Variants in AOX1 observed in about 807,000 individuals in gnomAD.
AOX1 encodes the protein aldehyde oxidase 1.
Under a neutral mutation model 169.5 loss-of-function variants are expected in AOX1, and 153 were observed. The observed-to-expected ratio is 0.90, with a 90% confidence interval of 0.79 to 1.03. The LOEUF (loss-of-function observed/expected upper bound fraction) is 1.03. AOX1 is among the 50% of genes least tolerant of loss of function. AOX1 has a pLI of 0.00. For synonymous variants in AOX1, 562 were observed against 581.9 expected (o/e 0.97, Z 0.49); for missense variants, 1,656 against 1,663.9 (o/e 1.00, Z 0.08).
intron 20 of AOX1, among the ~76,000 whole-genome samples, chr2:200,631,687 A>T (rs1362160087): frequency 6.6e-6 from 1 of 152,218 alleles, no homozygotes; most frequent in Non-Finnish European, 1.5e-5. Flanking sequence ...GTGCAATATA[A>T]CAGGTTTCTA....
chr2:200,620,795 G>A lies in AOX1; in HGVS notation c.1850G>A (p.Ser617Asn). Residue 617 changes from serine to asparagine, a missense_variant, in exon 17 of 35, where the codon AGT (serine) becomes AAT (asparagine). Transcript: ENST00000374700. ...DQELFLTFVT[S>N]SRAHAKIVSI... ...GAACTTTTCTTGACTTTTGTGACTA[G>A]TTCAAGAGCTCATGCTAAGATTGTG... 1.2e-6 allele frequency: 2 copies of A among 1,603,244 alleles called. No homozygotes were observed. Among genetic ancestry groups the A allele is most frequent in the African/African-American group, 2.7e-5 (2 of 74,308 alleles).
chr2:200,610,161 TC>T (rs1199367977), intron 12 of AOX1, among the ~76,000 whole-genome samples: 1 of 151,796 alleles, frequency 6.6e-6, no homozygotes, highest in East Asian at 1.9e-4. Context: ...AACCTCTACC[TC>T]CTGGGTTCAA....
chr2:200,658,594 G>A (rs932716676), intron 27 of AOX1, among the ~76,000 whole-genome samples: 4 of 152,210 alleles, frequency 2.6e-5, no homozygotes, highest in African/African-American at 7.2e-5. Context: ...ACTAAAGTTA[G>A]CAATATGATT....
At chr2:200,669,802 T>C in intron 34 of AOX1, 60 bp downstream of exon 34, 1 of 1,574,832 alleles carries the variant, frequency 6.3e-7, no homozygotes, top group Non-Finnish European at 8.6e-7. Flanking sequence ...TTGGCCTCTG[T>C]TCTTGTGGTA....
intron 20 of AOX1, among the ~76,000 whole-genome samples, chr2:200,628,435 A>G (rs11886414): frequency 0.022 from 3,404 of 152,214 alleles, 123 homozygotes; most frequent in African/African-American, 0.078. Context: ...TAAATAACCC[A>G]TGCTTTCCCC....
rs144276609 is a variant in AOX1 at position 200,627,202 on chromosome 2, C to T, written c.2125-151C>T. On this transcript the variant is annotated intron_variant, in intron 19 of 34. Coordinates refer to ENST00000374700, the MANE Select transcript of AOX1 (RefSeq NM_001159.4). ...AGTCTCTCTGCAGTTGGATTCTTAGCTTGGCTCACCAGGGTCATGGTGAAA... is the reference window on the plus strand; with the variant it reads ...AGTCTCTCTGCAGTTGGATTCTTAGTTTGGCTCACCAGGGTCATGGTGAAA... The T allele has an allele frequency of 1.5e-4, 95 of 615,094 alleles. No homozygotes were observed. The East Asian group carries it at 2.4e-3, about 16-fold the overall frequency. The allele number at this position is 615,094 out of a possible 1,614,324, so 38.1% of individuals were successfully genotyped here.
Position 200,638,246 on chromosome 2 carries a change from C to A in AOX1, c.2512C>A (p.Arg838=). 1 of 1,613,520 alleles carries A rather than the reference C, an allele frequency of 6.2e-7. No homozygotes were observed. The highest frequency in any genetic ancestry group is 8.5e-7 in the Non-Finnish European group (1 of 1,179,654). Residue 838 remains arginine (R), a synonymous_variant, in exon 23 of 35, where the codon CGA becomes AGA. Transcript: ENST00000374700. The part of the protein sequence containing the change: ...HGRAVRCVLE[R]GEDMLITGGR... Reference sequence around the variant, plus strand: ...CCGTGCAGTTCGCTGTGTTCTGGAACGAGGAGAAGACATGTTAATAACTGG... The same window carrying A: ...CCGTGCAGTTCGCTGTGTTCTGGAAAGAGGAGAAGACATGTTAATAACTGG...
At chr2:200,681,381 C>T (rs149918833), downstream of AOX1, 674 of 152,776 alleles carry the variant, frequency 4.4e-3, 8 homozygotes, top group Middle Eastern at 0.031. Flanking sequence ...TGCTAAAGCC[C>T]ACAGCCCCCA....
chr2:200,593,425 G>T (rs2034215864), intron 2 of AOX1, among the ~76,000 whole-genome samples: 1 of 152,114 alleles, frequency 6.6e-6, no homozygotes, highest in Non-Finnish European at 1.5e-5. Context: ...ATAAAATGGG[G>T]AAACTAGTAA....
In AOX1 at chr2:200,616,141, C is replaced by T. The variant is rs766617601; in HGVS notation, c.1704+78C>T. On this transcript the variant is annotated intron_variant, in intron 16 of 34. Coordinates refer to ENST00000374700, the MANE Select transcript of AOX1 (RefSeq NM_001159.4). Reference sequence around the variant, plus strand: ...GACCTGGACATTCCCACTGTCTCTCCGTGAAACTCAAGCTCTGTAAGTCCA... The same window carrying T: ...GACCTGGACATTCCCACTGTCTCTCTGTGAAACTCAAGCTCTGTAAGTCCA... The T allele has an allele frequency of 1.3e-4, 138 of 1,038,454 alleles. 1 individual carries two copies. Among genetic ancestry groups the T allele is most frequent in the Admixed American group, 4.9e-4 (25 of 51,384 alleles). The allele number at this position is 1,038,454 out of a possible 1,614,324, so 64.3% of individuals were successfully genotyped here.
chr2:200,661,540 G>C, intron 29 of AOX1, 39 bp from the exon 30 acceptor site: 1 of 1,539,246 alleles, frequency 6.5e-7, no homozygotes, highest in Non-Finnish European at 8.9e-7. Flanking sequence ...TCTTTCTTTG[G>C]GCATCCTTGT....
chr2:200,643,297 G>A (rs2105749418), intron 25 of AOX1, among the ~76,000 whole-genome samples: 1 of 151,082 alleles, frequency 6.6e-6, no homozygotes, highest in Admixed American at 6.6e-5. Context: ...TTCTTTAGTG[G>A]TGAATTGTGA....
chr2:200,638,249 G>A lies in AOX1; in HGVS notation c.2515G>A (p.Gly839Arg). 1 of 1,613,746 alleles carries A rather than the reference G, an allele frequency of 6.2e-7. No individual in the cohort carries two copies. Among genetic ancestry groups the A allele is most frequent in the Non-Finnish European group, 8.5e-7 (1 of 1,179,724 alleles). Reference protein sequence around the residue: ...GRAVRCVLERGEDMLITGGRH... With the variant: ...GRAVRCVLERREDMLITGGRH... The stretch of plus-strand genomic sequence containing the variant: ...TGCAGTTCGCTGTGTTCTGGAACGA[G>A]GAGAAGACATGTTAATAACTGGAGG... The change falls in exon 23 of 35, where the codon GGA becomes AGA. Residue 839 changes from glycine (G) to arginine (R), a missense_variant. Physicochemically the swap from Gly to Arg is moderately radical, Grantham distance 125. Coordinates refer to ENST00000374700, the MANE Select transcript of AOX1 (RefSeq NM_001159.4).
In AOX1 at chr2:200,595,379, G is replaced by A. The variant is rs752172844; in HGVS notation, c.200+11G>A. 3 of 1,599,116 alleles carry A rather than the reference G, an allele frequency of 1.9e-6. No homozygotes were observed. Among genetic ancestry groups the A allele is most frequent in the Admixed American group, 3.4e-5 (2 of 58,308 alleles). On this transcript the variant is annotated intron_variant, in intron 3 of 34. Transcript: ENST00000374700. The stretch of plus-strand genomic sequence containing the variant: ...CACCAAGAGGATAAGGTACCGTGCA[G>A]CAAAGTCCAGATATGGTTGAATTTT...
intron 20 of AOX1, among the ~76,000 whole-genome samples, chr2:200,629,530 G>T (rs967069121): frequency 6.6e-6 from 1 of 152,168 alleles, no homozygotes; most frequent in Non-Finnish European, 1.5e-5. Context: ...GAGACCTAGA[G>T]ATCCCTGTGC....
chr2:200,669,532 TGA>T (rs753310938), intron 33 of AOX1, 41 bp from the exon 34 acceptor site: 27 of 1,597,772 alleles, frequency 1.7e-5, no homozygotes, highest in South Asian at 6.7e-5. Context: ...ATATACAGAG[TGA>T]GAGAGAGAGG....
intron 18 of AOX1, among the ~76,000 whole-genome samples, chr2:200,621,593 G>A (rs13023526): frequency 0.21 from 32,208 of 151,844 alleles, 3,683 homozygotes; most frequent in East Asian, 0.44. Context: ...CAGTCTCAGT[G>A]TGGTCAAAGT....
intron 31 of AOX1, 96 bp downstream of exon 31, chr2:200,663,065 A>G (rs2035859179): frequency 1.1e-6 from 1 of 921,580 alleles, no homozygotes. Flanking sequence ...GAGTGGCAGC[A>G]TCGTGCATTT....
At chr2:200,599,577 TG>T (rs1432317946) in intron 4 of AOX1, 42 bp from the exon 5 acceptor site, 2 of 1,557,342 alleles carry the variant, frequency 1.3e-6, no homozygotes, top group Non-Finnish European at 1.7e-6. Flanking sequence ...AGGCCTGGGA[TG>T]GGGCCCCAAA....
Sources: gnomAD v4.1 joint callset for allele counts (sites outside exome capture counted in the v4.1 genomes callset) on GRCh38, gnomAD v4.1.1 for gene constraint, MANE v1.5 for transcripts, NCBI Gene and HGNC (gene_info 2026-07-23, HGNC 2026-07-21) for gene names.